MYH11: variants seen among roughly 807,000 people sequenced by gnomAD.
The protein encoded by MYH11 is myosin heavy chain 11, also known as myosin-11.
A neutral mutation model predicts 246.6 loss-of-function variants in MYH11; 80 were observed. The observed-to-expected ratio is 0.32, with a 90% CI of 0.27 to 0.39. The LOEUF (loss-of-function observed/expected upper bound fraction) is 0.39. Among genes scored for constraint, MYH11 ranks in the 10% least tolerant of loss-of-function variants. The pLI, the probability that MYH11 is intolerant of heterozygous loss-of-function variation, is 1.00. For synonymous variants in MYH11, 1,071 were observed against 1,015.5 expected (o/e 1.05, Z -1.04); for missense variants, 2,158 against 2,546.8 (o/e 0.85, Z 3.29).
chr16:15,815,176 A>G (rs991216017), intron 3 of MYH11, among the ~76,000 whole-genome samples: 5 of 152,222 alleles, frequency 3.3e-5, no homozygotes, highest in African/African-American at 1.2e-4. Flanking sequence ...ACAATTTGGT[A>G]TCCTGTGTAC....
chr16:15,797,513 A>G (rs2042769511), intron 4 of MYH11, among the ~76,000 whole-genome samples: 1 of 149,824 alleles, frequency 6.7e-6, no homozygotes. Context: ...TGTTGATTAT[A>G]GCTTTAGTTG....
At chr16:15,811,068 T>C (rs1383897095) in intron 3 of MYH11, among the ~76,000 whole-genome samples, 1 of 152,036 alleles carries the variant, frequency 6.6e-6, no homozygotes, top group Non-Finnish European at 1.5e-5. Context: ...TGGGAGGTGA[T>C]GAGATCATGG....
intron 14 of MYH11, among the ~76,000 whole-genome samples, chr16:15,755,559 C>G (rs1347210727): frequency 6.6e-6 from 1 of 152,176 alleles, no homozygotes; most frequent in African/African-American, 2.4e-5. Flanking sequence ...GAAGCCGAGG[C>G]AGGGAGATCT....
At chr16:15,738,416 G>C (rs943248118) in intron 24 of MYH11, 149 bp downstream of exon 24, 3 of 689,882 alleles carry the variant, frequency 4.3e-6, no homozygotes, top group African/African-American at 3.6e-5. Flanking sequence ...AGGAGGCTGA[G>C]GCAGGAGGAT....
rs552152183 is a variant in MYH11 at position 15,803,526 on chromosome 16, C to T, written c.503-4839G>A. Among the ~76,000 whole-genome samples, 70 of 152,230 alleles carry T rather than the reference C, an allele frequency of 4.6e-4. No individual in the cohort carries two copies. The East Asian group carries it at 9.9e-3, about 22-fold the overall frequency. Reference sequence around the variant, plus strand: ...TCCTGACCTCAGGTGATCCGCCCGCCTCAGCCTCCCAAAGTACTAAAAAGT... The same window carrying T: ...TCCTGACCTCAGGTGATCCGCCCGCTTCAGCCTCCCAAAGTACTAAAAAGT... On this transcript the variant is annotated intron_variant, in intron 3 of 40. Transcript: ENST00000300036.
chr16:15,724,242 C>A lies in MYH11; in HGVS notation c.4284G>T (p.Glu1428Asp), dbSNP rs1435099547. The part of the protein sequence containing the change: ...LEKTKNRLQQ[E>D]LDDLVVDLDN... ...CCAAATCAACAACCAGGTCGTCCAG[C>A]TCCTGCTGAAGCCTGTTCTTGGTCT... Residue 1428 changes from glutamate to aspartate, a missense_variant, in exon 31 of 41, where the codon GAG (glutamate) becomes GAT (aspartate). Glu to Asp is a conservative substitution (Grantham distance 45). Around this residue, in one of 11 missense-constraint regions of MYH11, gnomAD observed 1,013 missense variants for 993.5 expected, o/e 1.02. Coordinates refer to ENST00000300036, the MANE Select transcript of MYH11 (RefSeq NM_002474.3). 2 of 1,614,206 alleles carry A rather than the reference C, an allele frequency of 1.2e-6. No individual in the cohort carries two copies. Among genetic ancestry groups the A allele is most frequent in the East Asian group, 4.5e-5 (2 of 44,882 alleles).
Position 15,724,883 on chromosome 16 carries a change from C to G in MYH11, c.3963+5G>C. Reference sequence around the variant, plus strand: ...GTCCCCTGGATGATGTGGCAGGACACTCACCTGGGTGTCCTGGAGCTGGGA... The same window carrying G: ...GTCCCCTGGATGATGTGGCAGGACAGTCACCTGGGTGTCCTGGAGCTGGGA... On this transcript the variant is annotated splice_donor_5th_base_variant and intron_variant, in intron 29 of 40. Coordinates refer to ENST00000300036, the MANE Select transcript of MYH11 (RefSeq NM_002474.3). 1 of 1,614,038 alleles carries G rather than the reference C, an allele frequency of 6.2e-7. No individual in the cohort carries two copies. The highest frequency in any genetic ancestry group is 2.2e-5 in the East Asian group (1 of 44,876).
intron 1 of MYH11, among the ~76,000 whole-genome samples, chr16:15,853,490 C>T (rs2044381720): frequency 6.6e-6 from 1 of 152,104 alleles, no homozygotes; most frequent in Non-Finnish European, 1.5e-5. Context: ...GAGGTTGTTC[C>T]TCCTTAGCCC....
At chr16:15,735,734 C>T (rs538618180) in intron 25 of MYH11, among the ~76,000 whole-genome samples, 156 bp from the exon 26 acceptor site, 1 of 152,322 alleles carries the variant, frequency 6.6e-6, no homozygotes, top group East Asian at 1.9e-4. Flanking sequence ...ACATGCCAGA[C>T]TATATGAGAT....
chr16:15,822,399 C>T (rs1434408830), intron 3 of MYH11, among the ~76,000 whole-genome samples: 2 of 152,082 alleles, frequency 1.3e-5, no homozygotes, highest in African/African-American at 4.8e-5. Context: ...GTGAGAAGGC[C>T]TGGGTGCAGT....
chr16:15,828,911 T>C (rs943581027), intron 2 of MYH11, among the ~76,000 whole-genome samples: 1 of 150,786 alleles, frequency 6.6e-6, no homozygotes, highest in Non-Finnish European at 1.5e-5. Flanking sequence ...AGGCCGGGCA[T>C]GGTGGCTCAC....
intron 5 of MYH11, among the ~76,000 whole-genome samples, chr16:15,783,757 G>T (rs62030565): frequency 0.053 from 8,032 of 152,164 alleles, 219 homozygotes; most frequent in African/African-American, 0.062. Context: ...AAAAGTCTTG[G>T]CAAGAGAGCT....
intron 14 of MYH11, among the ~76,000 whole-genome samples, chr16:15,754,234 A>T (rs147961144): frequency 1.8e-3 from 280 of 152,166 alleles, no homozygotes; most frequent in African/African-American, 4.5e-3. Flanking sequence ...TTAAATAAAT[A>T]AATTAATTAA....
rs946425267 is a variant in MYH11 at position 15,721,071 on chromosome 16, C to G, written c.4579-20G>C. On this transcript the variant is annotated intron_variant, in intron 32 of 40. Coordinates refer to ENST00000300036, the MANE Select transcript of MYH11 (RefSeq NM_002474.3). ...ATGGACCTGCCGGCAGAGCGGGCAG[C>G]CCCATTCTATGAGGCTCAACTTCAT... 1.2e-6 allele frequency: 2 copies of G among 1,611,664 alleles called. No individual in the cohort carries two copies. Among genetic ancestry groups the G allele is most frequent in the African/African-American group, 2.7e-5 (2 of 74,876 alleles).
In MYH11 at chr16:15,737,458, G is replaced by A. The variant is rs777744231; in HGVS notation, c.3284C>T (p.Ala1095Val). The A allele has an allele frequency of 6.2e-7, 1 of 1,612,500 alleles. No homozygotes were observed. Among genetic ancestry groups the A allele is most frequent in the African/African-American group, 1.3e-5 (1 of 74,930 alleles). ...LAKKEEELQA[A>V]LARLDDEIAQ... ...TTGCCAGCCCCGCTACCTGGCCAGG[G>A]CCGCCTGCAGCTCCTCCTCCTTCTT... The change falls in exon 25 of 41, where the codon GCC becomes GTC. Residue 1095 changes from alanine (A) to valine (V), a missense_variant. Transcript: ENST00000300036.
chr16:15,784,929 G>C, intron 5 of MYH11: 1 of 545,960 alleles, frequency 1.8e-6, no homozygotes, highest in Non-Finnish European at 3.2e-6. Context: ...AACCTACTGG[G>C]CTCAGGCAAT....
Position 15,741,630 on chromosome 16 carries a change from C to T in MYH11, c.2692G>A (p.Ala898Thr), listed in dbSNP as rs772769846. ...EKNLLQEQLQAETELYAEAEE... is the reference protein window; with the variant it reads ...EKNLLQEQLQTETELYAEAEE... ...GCCTCTGCATACAGCTCTGTCTCTG[C>T]CTGCAGCTGTTCCTGTAGCAGGTTC... The change falls in exon 22 of 41, where the codon GCA becomes ACA. Residue 898 changes from alanine (A) to threonine (T), a missense_variant. Around this residue, in one of 11 missense-constraint regions of MYH11, gnomAD observed 284 missense variants for 315.4 expected, o/e 0.90. Transcript: ENST00000300036. 2 of 1,613,418 alleles carry T rather than the reference C, an allele frequency of 1.2e-6. No homozygotes were observed. Among genetic ancestry groups the T allele is most frequent in the Non-Finnish European group, 1.7e-6 (2 of 1,180,036 alleles).
chr16:15,745,092 G>A (rs1482131974), intron 20 of MYH11, 37 bp downstream of exon 20: 12 of 1,525,336 alleles, frequency 7.9e-6, no homozygotes, highest in Non-Finnish European at 1.1e-5. Flanking sequence ...AGCAGGGCTG[G>A]GGGCCCCTGG....
intron 3 of MYH11, 53 bp downstream of exon 3, chr16:15,823,202 A>C (rs1284883100): frequency 1.2e-6 from 2 of 1,611,160 alleles, no homozygotes; most frequent in South Asian, 1.1e-5. Flanking sequence ...GCAGACAAGC[A>C]GGACAGGAGG....
Sources: gnomAD v4.1 joint callset for allele counts (sites outside exome capture counted in the v4.1 genomes callset) on GRCh38, gnomAD v4.1.1 for gene constraint, gnomAD v4.1.1 regional missense constraint, MANE v1.5 for transcripts, NCBI Gene and HGNC (gene_info 2026-07-23, HGNC 2026-07-21) for gene names.